PRKCD: variants seen among roughly 807,000 people sequenced by gnomAD.
PRKCD encodes the protein protein kinase C delta, also known as protein kinase C delta type.
Under a neutral mutation model 82.2 loss-of-function variants are expected in PRKCD, and 20 were observed. The ratio of observed to expected loss-of-function variants is 0.24; its 90% CI spans 0.17 to 0.35. The LOEUF is 0.35. Among genes scored for constraint, PRKCD ranks in the 10% least tolerant of loss-of-function variants. The probability of loss-of-function intolerance (pLI) is 1.00; values close to 1 mark genes in which losing one functional copy is unlikely to be tolerated. For missense variants in PRKCD, 607 were observed against 899.0 expected, an observed-to-expected ratio of 0.68 and a Z score of 4.15; for synonymous variants, 317 against 337.0, an observed-to-expected ratio of 0.94 and a Z score of 0.65.
At chr3:53,164,712 A>G (rs1323359608) in intron 1 of PRKCD, among the ~76,000 whole-genome samples, 2 of 152,148 alleles carry the variant, frequency 1.3e-5, no homozygotes, top group Admixed American at 6.5e-5. Flanking sequence ...CCCCATTAAA[A>G]AAACTGAGGC....
chr3:53,175,989 C>G (rs190728231), intron 2 of PRKCD, among the ~76,000 whole-genome samples: 1 of 152,348 alleles, frequency 6.6e-6, no homozygotes, highest in South Asian at 2.1e-4. Context: ...TGAGTGCCCA[C>G]CATGTGCCAC....
intron 13 of PRKCD, 65 bp downstream of exon 13, chr3:53,186,405 C>T: frequency 3.1e-6 from 5 of 1,590,766 alleles, no homozygotes; most frequent in Non-Finnish European, 4.3e-6. Context: ...CTCAGCCCCC[C>T]TCAGTCAGGG....
At chr3:53,166,334 G>A (rs1446932845) in intron 2 of PRKCD, among the ~76,000 whole-genome samples, 1 of 152,198 alleles carries the variant, frequency 6.6e-6, no homozygotes, top group Non-Finnish European at 1.5e-5. Context: ...AAGTTCTGAA[G>A]AGCCAGCCCT....
At position 53,181,705 on chromosome 3, in the gene PRKCD, C is replaced by T. The variant is rs1553667592; in HGVS notation, c.544C>T (p.Leu182Phe). 6.2e-7 allele frequency: 1 copy of T among 1,612,718 alleles called. No homozygotes were observed. Among genetic ancestry groups the T allele is most frequent in the Non-Finnish European group, 8.5e-7 (1 of 1,178,720 alleles). ...CSVCKDFVWG[L>F]NKQGYKCRQC... ...TGCCTGGGTTTTGCCTTTCAGGGGC[C>T]TCAACAAGCAAGGCTACAAATGCAG... Residue 182 changes from leucine (L) to phenylalanine (F), a missense_variant, in exon 7 of 19, where the codon CTC becomes TTC. Leu to Phe is a conservative substitution (Grantham distance 22). Around this residue, in one of 5 missense-constraint regions of PRKCD, gnomAD observed 109 missense variants for 155.6 expected, o/e 0.70. Transcript: ENST00000330452.
chr3:53,169,580 C>T lies in PRKCD; in HGVS notation c.-20+4365C>T, dbSNP rs1702949720. 2.0e-5 allele frequency among the ~76,000 whole-genome samples: 3 copies of T among 149,270 alleles called. No homozygotes were observed. Among genetic ancestry groups the T allele is most frequent in the South Asian group, 2.2e-4 (1 of 4,468 alleles). ...GGCCTGAGGCTAGATCAGATGTCTG[C>T]GTGGTGTAGGTTGTGGGCTGGGGTT... On this transcript the variant is annotated intron_variant, in intron 2 of 18. Coordinates refer to ENST00000330452, the MANE Select transcript of PRKCD (RefSeq NM_006254.4). This position sits in a 1 kb window ranked among gnomAD's most constrained non-coding sequence, Gnocchi z 4.7.
chr3:53,181,739 G>A lies in PRKCD; in HGVS notation c.571+7G>A, dbSNP rs191960852. ...CAAGGCTACAAATGCAGGCGTAAGT[G>A]TCTCCACAGGCCAGTTTGTACGTAT... On this transcript the variant is annotated splice_region_variant and intron_variant, in intron 7 of 18. Transcript: ENST00000330452. 12 of 1,614,196 alleles carry A rather than the reference G, an allele frequency of 7.4e-6. No homozygotes were observed. In the East Asian group the frequency reaches 1.3e-4, roughly 18 times the overall value.
intron 2 of PRKCD, among the ~76,000 whole-genome samples, chr3:53,177,592 G>A (rs1478248030): frequency 6.6e-6 from 1 of 152,212 alleles, no homozygotes. Context: ...AATCATGAAG[G>A]GCTGCATGGG....
At position 53,192,304 on chromosome 3, in the gene PRKCD, C is replaced by T; in HGVS notation, c.*38C>T. ...GATCAGGCTAGCCCTGCCCTCCACCCACACCTGCCCGCTCCCCACGATAAG... is the reference window on the plus strand; with the variant it reads ...GATCAGGCTAGCCCTGCCCTCCACCTACACCTGCCCGCTCCCCACGATAAG... On this transcript the variant is annotated 3_prime_UTR_variant, in exon 19 of 19. Transcript: ENST00000330452. 1 of 1,604,634 alleles carries T rather than the reference C, an allele frequency of 6.2e-7. No individual in the cohort carries two copies. Among genetic ancestry groups the T allele is most frequent in the East Asian group, 2.2e-5 (1 of 44,716 alleles).
intron 9 of PRKCD, among the ~76,000 whole-genome samples, 184 bp from the exon 10 acceptor site, chr3:53,184,690 A>AAAG (rs1553668585): frequency 1.8e-4 from 27 of 148,880 alleles, no homozygotes; most frequent in East Asian, 1.2e-3. Context: ...AAAAAAAAAA[A>AAAG]AGAGAGAGAG....
intron 2 of PRKCD, among the ~76,000 whole-genome samples, chr3:53,173,089 A>G (rs1703094502): frequency 6.6e-6 from 1 of 152,268 alleles, no homozygotes. Flanking sequence ...ATTATCCAAC[A>G]AGTTACATGT....
At chr3:53,191,209 C>T (rs1703912661) in intron 18 of PRKCD, among the ~76,000 whole-genome samples, 1 of 152,104 alleles carries the variant, frequency 6.6e-6, no homozygotes, top group South Asian at 2.1e-4. Context: ...CGAGACCAGC[C>T]TGGCCAACAT....
In PRKCD at chr3:53,169,370, G is replaced by A. The variant is rs568663378; in HGVS notation, c.-20+4155G>A. ...GGGCTCAACAGGCCTTCTAAGGGGT[G>A]GGGGAGCATTTGAGAGGCCCACGAA... is the stretch of plus-strand genomic sequence containing the variant. On this transcript the variant is annotated intron_variant, in intron 2 of 18. Coordinates refer to ENST00000330452, the MANE Select transcript of PRKCD (RefSeq NM_006254.4). This position sits in a 1 kb window ranked among gnomAD's most constrained non-coding sequence, Gnocchi z 4.7. Among the ~76,000 whole-genome samples the A allele has an allele frequency of 7.2e-5, 11 of 152,266 alleles. No individual in the cohort carries two copies. The South Asian group carries it at 2.1e-3, about 29-fold the overall frequency.
At chr3:53,179,860 A>G in intron 4 of PRKCD, 84 bp downstream of exon 4, 1 of 1,507,666 alleles carries the variant, frequency 6.6e-7, no homozygotes, top group Non-Finnish European at 8.9e-7. Context: ...GCGTGCACAC[A>G]CGCGGGCTTG....
At chr3:53,186,445 A>G in intron 13 of PRKCD, 105 bp downstream of exon 13, 1 of 1,438,250 alleles carries the variant, frequency 7.0e-7, no homozygotes, top group Non-Finnish European at 9.5e-7. Context: ...CACTTAAGGC[A>G]GGGCCATGCT....
chr3:53,173,997 A>C (rs969536747), intron 2 of PRKCD, among the ~76,000 whole-genome samples: 4 of 152,126 alleles, frequency 2.6e-5, no homozygotes, highest in Non-Finnish European at 4.4e-5. Context: ...GGCATACTGG[A>C]AAGGACCTGG....
intron 2 of PRKCD, among the ~76,000 whole-genome samples, chr3:53,165,568 C>T (rs1240708466): frequency 1.3e-5 from 2 of 152,144 alleles, no homozygotes; most frequent in Non-Finnish European, 2.9e-5. Context: ...GTCAGCTTTT[C>T]CATGGCCCTG....
rs1553671125 is a variant in PRKCD, at chr3:53,192,273, T to C, written c.*7T>C. The C allele has an allele frequency of 6.2e-7, 1 of 1,613,938 alleles. No individual in the cohort carries two copies. The highest frequency in any genetic ancestry group is 1.7e-5 in the Admixed American group (1 of 60,020). ...GCACCTCCTGGAAGATTGAGGTTCC[T>C]GGACAGATCAGGCTAGCCCTGCCCT... On this transcript the variant is annotated 3_prime_UTR_variant, in exon 19 of 19. Coordinates refer to ENST00000330452, the MANE Select transcript of PRKCD (RefSeq NM_006254.4).
At chr3:53,162,025 G>T (rs1702684158) in intron 1 of PRKCD, among the ~76,000 whole-genome samples, 1 of 151,788 alleles carries the variant, frequency 6.6e-6, no homozygotes, top group African/African-American at 2.4e-5. Flanking sequence ...TGGGTCCCTG[G>T]AGGCCCGACC....
Position 53,169,877 on chromosome 3 carries a change from G to A in PRKCD, c.-20+4662G>A, listed in dbSNP as rs1702960459. 1.3e-5 allele frequency among the ~76,000 whole-genome samples: 2 copies of A among 152,220 alleles called. No individual in the cohort carries two copies. Among genetic ancestry groups the A allele is most frequent in the South Asian group, 4.1e-4 (2 of 4,832 alleles). The stretch of plus-strand genomic sequence containing the variant: ...ACCAGAGCACTTGGGCCAAGATCGC[G>A]GAGCACCCAGGCAGCAGATCTGAGC... On this transcript the variant is annotated intron_variant, in intron 2 of 18. Coordinates refer to ENST00000330452, the MANE Select transcript of PRKCD (RefSeq NM_006254.4). The surrounding 1 kb of genome is among the most constrained non-coding windows in gnomAD (Gnocchi z 4.7).
Sources: allele counts gnomAD v4.1 joint callset (sites outside exome capture counted in the v4.1 genomes callset), GRCh38; gene constraint gnomAD v4.1.1; regional missense constraint gnomAD v4.1.1; non-coding constraint Gnocchi (gnomAD v3.1); transcripts MANE v1.5; gene names NCBI Gene and HGNC (gene_info 2026-07-23, HGNC 2026-07-21).